ELP2: variants seen among roughly 807,000 people sequenced by gnomAD.
The protein encoded by ELP2 is elongator complex protein 2.
Under a neutral mutation model 119.2 loss-of-function variants are expected in ELP2, and 90 were observed. The ratio of observed to expected loss-of-function variants is 0.75; its 90% CI spans 0.64 to 0.90. ELP2 has a LOEUF of 0.90. ELP2 is among the 40% of genes least tolerant of loss of function. The probability of loss-of-function intolerance (pLI) is 0.00; values close to 1 mark genes in which losing one functional copy is unlikely to be tolerated. For missense variants in ELP2, 921 were observed against 967.8 expected (o/e 0.95, Z 0.64); for synonymous variants, 339 against 331.0 (o/e 1.02, Z -0.26).
chr18:36,167,697 T>TG (rs1244687468), intron 19 of ELP2, among the ~76,000 whole-genome samples: 1 of 151,200 alleles, frequency 6.6e-6, no homozygotes, highest in African/African-American at 2.4e-5. Context: ...GCTAGGAATT[T>TG]TTTTTTTTTT....
intron 8 of ELP2, among the ~76,000 whole-genome samples, chr18:36,144,199 G>A (rs1024711489): frequency 1.3e-5 from 2 of 151,908 alleles, no homozygotes; most frequent in African/African-American, 4.8e-5. Flanking sequence ...CAGCATATTA[G>A]GAGTAGCTAT....
At chr18:36,165,621 C>T (rs915743557) in intron 18 of ELP2, among the ~76,000 whole-genome samples, 5 of 152,198 alleles carry the variant, frequency 3.3e-5, no homozygotes, top group East Asian at 1.9e-4. Context: ...GTGGCTCATG[C>T]GTGTGATCCC....
chr18:36,165,249 C>T (rs545253201), intron 18 of ELP2: 1 of 151,650 alleles, frequency 6.6e-6, no homozygotes, highest in East Asian at 2.0e-4. Context: ...CACCTACCCA[C>T]ATTCTACTCT....
chr18:36,154,940 G>T lies in ELP2; in HGVS notation c.1216G>T (p.Val406Phe). Residue 406 changes from valine to phenylalanine, a missense_variant, in exon 12 of 22, where the codon GTT becomes TTT. By Grantham distance (50) the Val-to-Phe change is conservative (BLOSUM62 -1). Transcript: ENST00000358232. The part of the protein sequence containing the change: ...WDPEGEFIIT[V>F]GTDQTTRLFA... ...TCCAGAAGGAGAATTTATTATCACT[G>T]TTGGTACTGATCAGACAACTAGACT... 1 of 1,614,028 alleles carries T rather than the reference G, an allele frequency of 6.2e-7. No individual in the cohort carries two copies. Among genetic ancestry groups the T allele is most frequent in the Non-Finnish European group, 8.5e-7 (1 of 1,179,878 alleles).
chr18:36,133,370 G>C, intron 2 of ELP2, 54 bp downstream of exon 2: 2 of 1,365,342 alleles, frequency 1.5e-6, no homozygotes, highest in Non-Finnish European at 2.1e-6. Flanking sequence ...GATAAAATAA[G>C]GTTAGCCATT....
chr18:36,172,141 C>T (rs548709918), intron 21 of ELP2, among the ~76,000 whole-genome samples: 1 of 152,278 alleles, frequency 6.6e-6, no homozygotes, highest in South Asian at 2.1e-4. Context: ...TGGTGCATGA[C>T]TGTGGGTCCC....
intron 11 of ELP2, among the ~76,000 whole-genome samples, chr18:36,149,486 TTG>T (rs1491300226): frequency 0.036 from 5,094 of 140,778 alleles, 203 homozygotes; most frequent in East Asian, 0.079. Context: ...TTGTTTTGTT[TTG>T]TTTTTTTTTT....
At chr18:36,141,493 TATAAC>T (rs779040511) in intron 6 of ELP2, 6 of 403,212 alleles carry the variant, frequency 1.5e-5, no homozygotes, top group Non-Finnish European at 2.8e-5. Flanking sequence ...TTAAACGAGA[TATAAC>T]ATACCTACAG....
At chr18:36,169,765 G>A (rs1300993313) in intron 19 of ELP2, among the ~76,000 whole-genome samples, 1 of 151,982 alleles carries the variant, frequency 6.6e-6, no homozygotes, top group African/African-American at 2.4e-5. Flanking sequence ...GACTCCACTG[G>A]ATCAGAACCA....
At chr18:36,141,073 G>C (rs186838985) in intron 5 of ELP2, 64 bp from the exon 6 acceptor site, 23 of 1,319,488 alleles carry the variant, frequency 1.7e-5, no homozygotes, top group Middle Eastern at 1.8e-4. Context: ...ATCCAGTACA[G>C]TTGATAAATC....
rs1598765922 is a variant in ELP2 at position 36,146,329 on chromosome 18, C to T, written c.1073C>T (p.Ala358Val). 4 of 1,613,788 alleles carry T rather than the reference C, an allele frequency of 2.5e-6. No homozygotes were observed. Among genetic ancestry groups the T allele is most frequent in the Admixed American group, 3.3e-5 (2 of 60,024 alleles). ...QFNEDGSMII[A>V]HAFHGALHLW... Reference sequence around the variant, plus strand: ...AATGAAGATGGCTCCATGATCATTGCTCATGCTTTCCACGGAGCGTTGCAC... The same window carrying T: ...AATGAAGATGGCTCCATGATCATTGTTCATGCTTTCCACGGAGCGTTGCAC... Residue 358 changes from alanine (A) to valine (V), a missense_variant, in exon 11 of 22, where the codon GCT (alanine) becomes GTT (valine). Coordinates refer to ENST00000358232, the MANE Select transcript of ELP2 (RefSeq NM_018255.4).
intron 11 of ELP2, among the ~76,000 whole-genome samples, chr18:36,153,537 C>T (rs1183935685): frequency 1.3e-5 from 2 of 152,112 alleles, no homozygotes; most frequent in Non-Finnish European, 2.9e-5. Context: ...TAATTCAGTT[C>T]CAACACTCTC....
At chr18:36,139,637 G>T (rs2089953631) in intron 5 of ELP2, 1 of 1,495,952 alleles carries the variant, frequency 6.7e-7, no homozygotes, top group Non-Finnish European at 8.9e-7. Flanking sequence ...TGTTTTTATT[G>T]TTTTTATTTT....
intron 19 of ELP2, 79 bp from the exon 20 acceptor site, chr18:36,169,984 C>A: frequency 6.3e-7 from 1 of 1,576,482 alleles, no homozygotes; most frequent in South Asian, 1.1e-5. Context: ...TTTGTTTTAT[C>A]TTTGCCGATG....
intron 19 of ELP2, among the ~76,000 whole-genome samples, chr18:36,168,913 C>G (rs1327094134): frequency 1.4e-5 from 1 of 69,258 alleles, no homozygotes. Context: ...CTCTCCATTT[C>G]TTTTTTTTTT....
chr18:36,142,890 A>G lies in ELP2; in HGVS notation c.720A>G (p.Ile240Met). 6.2e-7 allele frequency: 1 copy of G among 1,603,660 alleles called. No individual in the cohort carries two copies. The highest frequency in any genetic ancestry group is 1.1e-5 in the South Asian group (1 of 90,346). The change falls in exon 8 of 22, where the codon ATA becomes ATG. Residue 240 changes from isoleucine (I) to methionine (M), a missense_variant. Physicochemically the swap from Ile to Met is conservative, Grantham distance 10. Coordinates refer to ENST00000358232, the MANE Select transcript of ELP2 (RefSeq NM_018255.4). Reference protein sequence around the residue: ...DCLIRIWKLYIKSTSLETQDD... With the variant: ...DCLIRIWKLYMKSTSLETQDD... Reference sequence around the variant, plus strand: ...TGATAAGAATATGGAAGCTGTATATAAAGTCAACATCTTTAGAAACTCAGG... The same window carrying G: ...TGATAAGAATATGGAAGCTGTATATGAAGTCAACATCTTTAGAAACTCAGG...
rs762687711 is a variant in ELP2 at position 36,164,473 on chromosome 18, A to G, written c.1762-2A>G. 2 of 1,613,246 alleles carry G rather than the reference A, an allele frequency of 1.2e-6. No individual in the cohort carries two copies. The highest frequency in any genetic ancestry group is 2.7e-5 in the African/African-American group (2 of 74,922). ...CTTCATTGTTTCATCTCTGTCCTAT[A>G]GGCAGCTAAGAAAGAGCATGCAGCT... On this transcript the variant is annotated splice_acceptor_variant, in intron 17 of 21. Transcript: ENST00000358232. LOFTEE classifies it high-confidence loss of function.
chr18:36,135,664 A>G (rs957051655), intron 2 of ELP2, among the ~76,000 whole-genome samples: 5 of 152,216 alleles, frequency 3.3e-5, no homozygotes, highest in Admixed American at 3.3e-4. Context: ...AATTTCAACA[A>G]TAAGTCATAT....
At chr18:36,170,767 A>G (rs1052078256) in intron 20 of ELP2, 2 of 493,538 alleles carry the variant, frequency 4.1e-6, no homozygotes, top group South Asian at 2.3e-5. Flanking sequence ...CTCTGTAACA[A>G]GCATCTTCAG....
Sources: allele counts gnomAD v4.1 joint callset (sites outside exome capture counted in the v4.1 genomes callset), GRCh38; gene constraint gnomAD v4.1.1; transcripts MANE v1.5; gene names NCBI Gene and HGNC (gene_info 2026-07-23, HGNC 2026-07-21).